Variants in CMTM8 observed in about 807,000 individuals in gnomAD.
CMTM8 encodes the protein CKLF like MARVEL transmembrane domain containing 8.
CMTM8 carries 12 observed loss-of-function variants against 18.6 expected under a neutral mutation model. The ratio of observed to expected loss-of-function variants is 0.65; its 90% confidence interval spans 0.41 to 1.05. CMTM8 has a LOEUF of 1.05. Ranked by LOEUF, CMTM8 falls within the 50% of genes least tolerant of loss-of-function variation. The pLI, the probability that CMTM8 is intolerant of heterozygous loss-of-function variation, is 0.00. For missense variants in CMTM8, 217 were observed against 227.2 expected (o/e 0.95, Z 0.29); for synonymous variants, 87 against 90.6 (o/e 0.96, Z 0.23).
intron 1 of CMTM8, among the ~76,000 whole-genome samples, chr3:32,286,891 G>A (rs1179523680): frequency 1.3e-5 from 2 of 152,256 alleles, no homozygotes; most frequent in African/African-American, 2.4e-5. Context: ...TTGCTGTAGC[G>A]TGTTGTCCAG....
At chr3:32,369,746 C>A in intron 3 of CMTM8, 138 bp from the exon 4 acceptor site, 2 of 489,786 alleles carry the variant, frequency 4.1e-6, no homozygotes, top group Admixed American at 3.3e-5. Context: ...GTAATTGAAC[C>A]AATAAAGTAG....
At chr3:32,306,332 A>G (rs4627791) in intron 1 of CMTM8, among the ~76,000 whole-genome samples, 43,927 of 152,184 alleles carry the variant, frequency 0.29, 6,601 homozygotes, top group Admixed American at 0.36. Context: ...CATTTCTGCC[A>G]TATTCTGTTG....
intron 1 of CMTM8, among the ~76,000 whole-genome samples, chr3:32,268,759 A>T (rs1295259102): frequency 3.3e-5 from 5 of 152,166 alleles, no homozygotes; most frequent in African/African-American, 1.2e-4. Context: ...ACTTTATTGA[A>T]AGAAGTCCTA....
chr3:32,349,707 T>C (rs1224960610), intron 1 of CMTM8, among the ~76,000 whole-genome samples: 1 of 152,020 alleles, frequency 6.6e-6, no homozygotes, highest in Non-Finnish European at 1.5e-5. Context: ...GCACTCCAGA[T>C]CAATAATTTT....
chr3:32,363,025 AGTTACTGTG>A (rs11279661), intron 2 of CMTM8, among the ~76,000 whole-genome samples: 51,236 of 151,798 alleles, frequency 0.34, 8,734 homozygotes, highest in Middle Eastern at 0.47. Flanking sequence ...AAGAAAAGTA[AGTTACTGTG>A]TATACTTTAT....
At chr3:32,361,552 A>T (rs1400193767) in intron 2 of CMTM8, among the ~76,000 whole-genome samples, 1 of 152,022 alleles carries the variant, frequency 6.6e-6, no homozygotes, top group East Asian at 1.9e-4. Context: ...TAGAGAAGGG[A>T]TTGGTAGACT....
At chr3:32,255,220 A>G (rs1017654053) in intron 1 of CMTM8, among the ~76,000 whole-genome samples, 3 of 152,134 alleles carry the variant, frequency 2.0e-5, no homozygotes, top group African/African-American at 7.2e-5. Context: ...GCTGTTAAGA[A>G]TATTTATGTA....
chr3:32,342,342 A>T (rs1696515219), intron 1 of CMTM8, among the ~76,000 whole-genome samples: 3 of 152,234 alleles, frequency 2.0e-5, no homozygotes. Flanking sequence ...TCCATAGTAG[A>T]TATTATACTG....
At position 32,255,850 on chromosome 3, in the gene CMTM8, C is replaced by T. The variant is rs1462544249; in HGVS notation, c.147+16731C>T. Among the ~76,000 whole-genome samples the T allele has an allele frequency of 3.9e-5, 6 of 151,964 alleles. No homozygotes were observed. The South Asian group carries it at 8.3e-4, about 21-fold the overall frequency. On this transcript the variant is annotated intron_variant, in intron 1 of 3. Coordinates refer to ENST00000307526, the MANE Select transcript of CMTM8 (RefSeq NM_178868.5). ...AGGTGATCCTCCCACTTCAGCCTCCCGAGTAGCTGGGACTACAGGTACTTG... is the reference window on the plus strand; with the variant it reads ...AGGTGATCCTCCCACTTCAGCCTCCTGAGTAGCTGGGACTACAGGTACTTG...
chr3:32,330,586 A>C (rs574124694), intron 1 of CMTM8, among the ~76,000 whole-genome samples: 1 of 152,326 alleles, frequency 6.6e-6, no homozygotes, highest in South Asian at 2.1e-4. Context: ...ATGGAACAGA[A>C]TAGAGAGCCC....
chr3:32,240,060 A>G (rs1159534048), intron 1 of CMTM8, among the ~76,000 whole-genome samples: 2 of 152,248 alleles, frequency 1.3e-5, no homozygotes, highest in Non-Finnish European at 2.9e-5. Flanking sequence ...CCCCTCTGTC[A>G]TCTCTCACAG....
At chr3:32,349,569 T>C (rs1327932519) in intron 1 of CMTM8, among the ~76,000 whole-genome samples, 1 of 152,156 alleles carries the variant, frequency 6.6e-6, no homozygotes, top group Non-Finnish European at 1.5e-5. Context: ...CAGAGAACAA[T>C]TGGCAATATC....
At position 32,257,794 on chromosome 3, in the gene CMTM8, A is replaced by G. The variant is rs115321227; in HGVS notation, c.147+18675A>G. Among the ~76,000 whole-genome samples, 491 of 152,266 alleles carry G rather than the reference A, an allele frequency of 3.2e-3. 2 individuals are homozygous for G. The highest frequency in any genetic ancestry group is 0.011 in the African/African-American group (458 of 41,550). On this transcript the variant is annotated intron_variant, in intron 1 of 3. Transcript: ENST00000307526. ...AATGGTTGTCCATGTTTGTAATAGT[A>G]GATGAGATGACTGGAGACTGTTTGC...
At chr3:32,346,760 T>A (rs973782442) in intron 1 of CMTM8, among the ~76,000 whole-genome samples, 2 of 152,158 alleles carry the variant, frequency 1.3e-5, no homozygotes, top group African/African-American at 4.8e-5. Context: ...AAGCACACGT[T>A]TGGTCTGTGG....
chr3:32,252,131 A>G (rs1483279858), intron 1 of CMTM8, among the ~76,000 whole-genome samples: 1 of 152,164 alleles, frequency 6.6e-6, no homozygotes, highest in East Asian at 1.9e-4. Flanking sequence ...AAATTTTAAG[A>G]AGTCTTTTTG....
At chr3:32,275,493 G>T (rs1575155947) in intron 1 of CMTM8, among the ~76,000 whole-genome samples, 1 of 152,098 alleles carries the variant, frequency 6.6e-6, no homozygotes, top group East Asian at 1.9e-4. Context: ...CATGTAAATT[G>T]TTTAGCACTG....
At chr3:32,269,134 G>C (rs561892227) in intron 1 of CMTM8, among the ~76,000 whole-genome samples, 14 of 152,320 alleles carry the variant, frequency 9.2e-5, no homozygotes, top group African/African-American at 3.4e-4. Flanking sequence ...ACAGAAAGCA[G>C]TTATGTTGGC....
At chr3:32,241,382 C>T (rs970700010) in intron 1 of CMTM8, among the ~76,000 whole-genome samples, 1 of 152,160 alleles carries the variant, frequency 6.6e-6, no homozygotes, top group African/African-American at 2.4e-5. Context: ...GTTGTAAAAG[C>T]AGTATGCATT....
At chr3:32,335,006 T>C (rs1414103564) in intron 1 of CMTM8, among the ~76,000 whole-genome samples, 1 of 152,336 alleles carries the variant, frequency 6.6e-6, no homozygotes, top group Middle Eastern at 3.4e-3. Flanking sequence ...GAGAAGCTGC[T>C]GGCACATTTG....
Sources: gnomAD v4.1 joint callset for allele counts (sites outside exome capture counted in the v4.1 genomes callset) on GRCh38, gnomAD v4.1.1 for gene constraint, MANE v1.5 for transcripts, NCBI Gene and HGNC (gene_info 2026-07-23, HGNC 2026-07-21) for gene names.